The following ZXDC variants were observed in gnomAD, a reference collection of about 807,000 sequenced individuals.
ZXDC encodes the protein zinc finger protein ZXDC.
A neutral mutation model predicts 63.6 loss-of-function variants in ZXDC; 58 were observed. The observed-to-expected ratio is 0.91, with a 90% CI of 0.74 to 1.13. The LOEUF is 1.13. ZXDC is among the 50% of genes most tolerant of loss of function. The probability of loss-of-function intolerance (pLI) is 0.00; values close to 1 mark genes in which losing one functional copy is unlikely to be tolerated. For synonymous variants in ZXDC, 561 were observed against 496.1 expected, an observed-to-expected ratio of 1.13 and a Z score of -1.74; for missense variants, 1,133 against 1,148.9, an observed-to-expected ratio of 0.99 and a Z score of 0.20.
intron 7 of ZXDC, chr3:126,452,112 G>T (rs1934127255): frequency 1.0e-6 from 1 of 985,160 alleles, no homozygotes; most frequent in Non-Finnish European, 1.2e-6. Flanking sequence ...AGATGACCAG[G>T]TCCCAGGTCG....
chr3:126,472,925 T>C (rs1387743412), intron 1 of ZXDC, among the ~76,000 whole-genome samples: 2 of 152,178 alleles, frequency 1.3e-5, no homozygotes, highest in African/African-American at 2.4e-5. Flanking sequence ...ACAGCAATAC[T>C]TCTCCTCCGA....
chr3:126,461,442 C>A, intron 6 of ZXDC, 93 bp downstream of exon 6: 1 of 1,471,794 alleles, frequency 6.8e-7, no homozygotes. Context: ...AAACCAGAAA[C>A]GTCTGCATAG....
chr3:126,468,786 G>A (rs1487992812), intron 4 of ZXDC, among the ~76,000 whole-genome samples: 2 of 151,972 alleles, frequency 1.3e-5, no homozygotes. Context: ...CGAGGCATGT[G>A]TTCCCTGGTC....
At chr3:126,457,519 C>G in intron 7 of ZXDC, 1 of 985,408 alleles carries the variant, frequency 1.0e-6, no homozygotes, top group Non-Finnish European at 1.2e-6. Context: ...CACTCACACA[C>G]GGAGACCTAG....
intron 4 of ZXDC, among the ~76,000 whole-genome samples, chr3:126,470,125 G>T (rs1433772179): frequency 6.6e-6 from 1 of 152,138 alleles, no homozygotes; most frequent in Non-Finnish European, 1.5e-5. Context: ...TCTGGCAAAT[G>T]AACTGAGCCT....
chr3:126,461,283 G>A, intron 6 of ZXDC: 1 of 1,293,790 alleles, frequency 7.7e-7, no homozygotes, highest in Non-Finnish European at 9.8e-7. Flanking sequence ...GGAGCCACAG[G>A]ACTCCAAAGG....
At position 126,458,213 on chromosome 3, in the gene ZXDC, C is replaced by T. The variant is rs891377518; in HGVS notation, c.2212+1440G>A. Among the ~76,000 whole-genome samples, 3 of 148,690 alleles carry T rather than the reference C, an allele frequency of 2.0e-5. 1 individual carries two copies. The highest frequency in any genetic ancestry group is 5.0e-5 in the African/African-American group (2 of 40,360). Reference sequence around the variant, plus strand: ...TTAAAGAAGTGGCAACATTAGATGGCTATAATTTTTTTTAATGTCCTTACT... The same window carrying T: ...TTAAAGAAGTGGCAACATTAGATGGTTATAATTTTTTTTAATGTCCTTACT... On this transcript the variant is annotated intron_variant, in intron 7 of 9. Coordinates refer to ENST00000389709, the MANE Select transcript of ZXDC (RefSeq NM_025112.5).
In ZXDC at chr3:126,447,738, T is replaced by C. The variant is rs546465372; in HGVS notation, c.2213-5792A>G. ...TTTCAAATCAGTAGCAGGTGATGAA[T>C]GTCATCAACTGCCCTGTTCGGCCTC... On this transcript the variant is annotated intron_variant, in intron 7 of 9. Transcript: ENST00000389709. Among the ~76,000 whole-genome samples the C allele has an allele frequency of 7.2e-4, 110 of 152,346 alleles. No homozygotes were observed. The Middle Eastern group carries it at 0.014, about 19-fold the overall frequency.
chr3:126,444,745 CT>C (rs2107630235), intron 7 of ZXDC, among the ~76,000 whole-genome samples: 1 of 152,276 alleles, frequency 6.6e-6, no homozygotes, highest in African/African-American at 2.4e-5. Context: ...TCTAAGTTAC[CT>C]ACAAAGCAAG....
intron 4 of ZXDC, among the ~76,000 whole-genome samples, chr3:126,469,699 G>A (rs1023852082): frequency 6.6e-6 from 1 of 152,124 alleles, no homozygotes; most frequent in Admixed American, 6.5e-5. Context: ...CCACACGCAC[G>A]TGTCTGGTGC....
At position 126,438,282 on chromosome 3, in the gene ZXDC, A is replaced by C. The variant is rs1933538076; in HGVS notation, c.*93T>G. 2 of 1,091,302 alleles carry C rather than the reference A, an allele frequency of 1.8e-6. No individual in the cohort carries two copies. The highest frequency in any genetic ancestry group is 2.7e-6 in the Non-Finnish European group (2 of 728,848). 67.6% of individuals were successfully genotyped at this position (1,091,302 alleles called of 1,614,324 possible). On this transcript the variant is annotated 3_prime_UTR_variant, in exon 10 of 10. Coordinates refer to ENST00000389709, the MANE Select transcript of ZXDC (RefSeq NM_025112.5). ...GGGCTACGCTGGTCTTCTGAACGGA[A>C]ACCAAATGAGGTCTCCCCAGGCTCA...
At chr3:126,469,250 C>A (rs138794412) in intron 4 of ZXDC, among the ~76,000 whole-genome samples, 1 of 152,318 alleles carries the variant, frequency 6.6e-6, no homozygotes, top group Non-Finnish European at 1.5e-5. Flanking sequence ...AGAATTTCAT[C>A]CACTTTTGTG....
Position 126,467,878 on chromosome 3 carries a change from C to A in ZXDC, c.1271-1553G>T, listed in dbSNP as rs75398162. On this transcript the variant is annotated intron_variant, in intron 4 of 9. Coordinates refer to ENST00000389709, the MANE Select transcript of ZXDC (RefSeq NM_025112.5). ...TCAAATGCCTTCTTGATGGCAGGGC[C>A]ACGCTACAACAGGACCCTTGCACAC... Among the ~76,000 whole-genome samples, 436 of 152,274 alleles carry A rather than the reference C, an allele frequency of 2.9e-3. 2 individuals are homozygous for A. Among genetic ancestry groups the A allele is most frequent in the African/African-American group, 1.0e-2 (414 of 41,550 alleles).
intron 7 of ZXDC, chr3:126,451,666 A>G (rs1934103713): frequency 1.0e-6 from 1 of 985,162 alleles, no homozygotes; most frequent in Admixed American, 6.2e-5. Context: ...CAGATCTACC[A>G]ATGTCCTTGT....
rs1217492158 is a variant in ZXDC, at chr3:126,461,532, T to C, written c.2127+3A>G. On this transcript the variant is annotated splice_donor_region_variant and intron_variant, in intron 6 of 9. Coordinates refer to ENST00000389709, the MANE Select transcript of ZXDC (RefSeq NM_025112.5). ...GGTGGTGACTGAATAGAGTGCTTCATACCAAATAGAAGTTGCCAGTGCCTG... is the reference window on the plus strand; with the variant it reads ...GGTGGTGACTGAATAGAGTGCTTCACACCAAATAGAAGTTGCCAGTGCCTG... 1 of 1,605,302 alleles carries C rather than the reference T, an allele frequency of 6.2e-7. No homozygotes were observed. The highest frequency in any genetic ancestry group is 8.5e-7 in the Non-Finnish European group (1 of 1,173,874).
intron 3 of ZXDC, among the ~76,000 whole-genome samples, chr3:126,471,724 T>C (rs889031476): frequency 7.2e-5 from 11 of 152,144 alleles, no homozygotes; most frequent in African/African-American, 2.4e-4. Flanking sequence ...GGAATTGTTT[T>C]TTTTTTAAGA....
intron 7 of ZXDC, chr3:126,454,910 C>T: frequency 1.0e-6 from 1 of 985,424 alleles, no homozygotes; most frequent in South Asian, 4.7e-5. Context: ...TTATTTTCTA[C>T]ACTCAACAGC....
At chr3:126,450,972 A>T in intron 7 of ZXDC, 1 of 242,284 alleles carries the variant, frequency 4.1e-6, no homozygotes, top group Non-Finnish European at 6.6e-6. Context: ...ACAGGGAGGT[A>T]GGCACACACT....
intron 7 of ZXDC, among the ~76,000 whole-genome samples, chr3:126,456,195 G>T (rs1934301495): frequency 6.6e-6 from 1 of 152,188 alleles, no homozygotes. Flanking sequence ...AGAGAAACAG[G>T]GCACTTGCAG....
Sources: gnomAD v4.1 joint callset for allele counts (sites outside exome capture counted in the v4.1 genomes callset) on GRCh38, gnomAD v4.1.1 for gene constraint, MANE v1.5 for transcripts, NCBI Gene and HGNC (gene_info 2026-07-23, HGNC 2026-07-21) for gene names.